The following LSAMP variants were observed in gnomAD, a reference collection of about 807,000 sequenced individuals.
The protein encoded by LSAMP is limbic system-associated membrane protein.
In LSAMP, 7 loss-of-function variants were observed where a neutral mutation model predicts 38.6. The observed-to-expected ratio is 0.18, with a 90% CI of 0.10 to 0.34. The LOEUF (loss-of-function observed/expected upper bound fraction) is 0.34, where lower values mean the gene tolerates loss of function less well. LSAMP is among the 10% of genes least tolerant of loss of function. The probability of loss-of-function intolerance (pLI) is 1.00; values close to 1 mark genes in which losing one functional copy is unlikely to be tolerated. For synonymous variants in LSAMP, 154 were observed against 166.8 expected (o/e 0.92, Z 0.59); for missense variants, 313 against 420.0 (o/e 0.75, Z 2.23).
chr3:116,393,661 C>T (rs1331466299), intron 1 of LSAMP, among the ~76,000 whole-genome samples: 1 of 152,128 alleles, frequency 6.6e-6, no homozygotes, highest in African/African-American at 2.4e-5. Context: ...AAAGCAGCAC[C>T]CCAAAGATCC....
intron 1 of LSAMP, among the ~76,000 whole-genome samples, chr3:116,165,638 C>T (rs1401031940): frequency 1.3e-5 from 2 of 152,090 alleles, no homozygotes; most frequent in African/African-American, 4.8e-5. Flanking sequence ...CTGTGCTTTG[C>T]AAATTAAGGA....
At chr3:115,895,428 G>A (rs1456698715) in intron 3 of LSAMP, among the ~76,000 whole-genome samples, 1 of 152,050 alleles carries the variant, frequency 6.6e-6, no homozygotes, top group Non-Finnish European at 1.5e-5. Context: ...TGGCAGAAAC[G>A]CTGTTGGTTT....
At chr3:115,826,606 C>T (rs1934419856) in intron 6 of LSAMP, among the ~76,000 whole-genome samples, 1 of 152,158 alleles carries the variant, frequency 6.6e-6, no homozygotes, top group Admixed American at 6.5e-5. Flanking sequence ...GTACCTGCTT[C>T]ATTCTCCTTT....
At chr3:115,917,869 C>T (rs1469540028) in intron 3 of LSAMP, among the ~76,000 whole-genome samples, 2 of 152,156 alleles carry the variant, frequency 1.3e-5, no homozygotes, top group African/African-American at 2.4e-5. Flanking sequence ...TGCTGCCTCA[C>T]CAACTTCCAT....
At chr3:116,058,238 G>C (rs1363660718) in intron 2 of LSAMP, among the ~76,000 whole-genome samples, 1 of 152,020 alleles carries the variant, frequency 6.6e-6, no homozygotes, top group Non-Finnish European at 1.5e-5. Flanking sequence ...TTAATCCTCA[G>C]TTTCCTCCTT....
chr3:116,347,132 G>A (rs577478503), intron 1 of LSAMP, among the ~76,000 whole-genome samples: 2 of 152,230 alleles, frequency 1.3e-5, no homozygotes, highest in South Asian at 4.1e-4. Context: ...CTTGCTTATG[G>A]CTATACTTTG....
intron 1 of LSAMP, among the ~76,000 whole-genome samples, chr3:116,318,809 G>A (rs937503479): frequency 3.3e-5 from 5 of 152,184 alleles, no homozygotes; most frequent in African/African-American, 9.6e-5. Context: ...ATTAAATGCT[G>A]TAAGAGTAGT....
chr3:115,955,704 C>G (rs1205441859), intron 3 of LSAMP, among the ~76,000 whole-genome samples: 1 of 152,188 alleles, frequency 6.6e-6, no homozygotes, highest in Non-Finnish European at 1.5e-5. Context: ...TACCCAGGTA[C>G]TTTTAATAGA....
intron 3 of LSAMP, among the ~76,000 whole-genome samples, chr3:115,988,885 G>A (rs1038747650): frequency 6.6e-6 from 1 of 152,012 alleles, no homozygotes; most frequent in African/African-American, 2.4e-5. Flanking sequence ...TGTTATGACA[G>A]TCTTAACATA....
At chr3:116,007,288 AT>A (rs11288630) in intron 3 of LSAMP, among the ~76,000 whole-genome samples, 70,740 of 150,604 alleles carry the variant, frequency 0.47, 17,956 homozygotes, top group African/African-American at 0.68. Flanking sequence ...ATGACAAGGT[AT>A]TTTTTTTTTG....
At chr3:116,030,768 T>C (rs907412369) in intron 2 of LSAMP, among the ~76,000 whole-genome samples, 1 of 152,078 alleles carries the variant, frequency 6.6e-6, no homozygotes, top group Non-Finnish European at 1.5e-5. Flanking sequence ...AAAAGTGTAC[T>C]TTTCCCCTTT....
chr3:116,170,752 G>C (rs1199900874), intron 1 of LSAMP, among the ~76,000 whole-genome samples: 1 of 152,052 alleles, frequency 6.6e-6, no homozygotes, highest in Non-Finnish European at 1.5e-5. Flanking sequence ...GATGATTTTG[G>C]CTATAAAAGA....
chr3:116,142,893 T>C (rs1189084687), intron 1 of LSAMP, among the ~76,000 whole-genome samples: 1 of 151,850 alleles, frequency 6.6e-6, no homozygotes, highest in Non-Finnish European at 1.5e-5. Flanking sequence ...TTTCACAAAG[T>C]TTGTGTCCTC....
chr3:116,355,485 CT>C (rs1313798755), intron 1 of LSAMP, among the ~76,000 whole-genome samples: 1 of 152,112 alleles, frequency 6.6e-6, no homozygotes, highest in East Asian at 1.9e-4. Flanking sequence ...TATGAAATTA[CT>C]AAAGAAAACA....
At chr3:115,991,107 T>C (rs1424603770) in intron 3 of LSAMP, among the ~76,000 whole-genome samples, 2 of 152,054 alleles carry the variant, frequency 1.3e-5, no homozygotes, top group African/African-American at 2.4e-5. Flanking sequence ...TTTAAAAAAG[T>C]ATTTTGTAAA....
intron 6 of LSAMP, among the ~76,000 whole-genome samples, chr3:115,837,337 A>G (rs999697739): frequency 9.9e-5 from 15 of 152,126 alleles, no homozygotes; most frequent in Admixed American, 9.8e-4. Context: ...AAAAGCCTCA[A>G]AAGACCTTTA....
intron 6 of LSAMP, among the ~76,000 whole-genome samples, chr3:115,824,160 G>T (rs140694842): frequency 1.3e-5 from 2 of 152,144 alleles, no homozygotes; most frequent in East Asian, 3.8e-4. Context: ...TTTAATAAAG[G>T]GGTTTCTCTG....
intron 2 of LSAMP, among the ~76,000 whole-genome samples, chr3:116,029,450 A>C (rs2107701345): frequency 6.6e-6 from 1 of 151,640 alleles, no homozygotes; most frequent in Non-Finnish European, 1.5e-5. Context: ...CAGTTACTCA[A>C]ATTTCTCTGC....
intron 1 of LSAMP, among the ~76,000 whole-genome samples, chr3:116,222,411 G>T (rs2046296575): frequency 6.6e-6 from 1 of 151,874 alleles, no homozygotes; most frequent in African/African-American, 2.4e-5. Flanking sequence ...TTTAAAAAAT[G>T]TCCCCTTCAG....
Sources: gnomAD v4.1 joint callset for allele counts (sites outside exome capture counted in the v4.1 genomes callset) on GRCh38, gnomAD v4.1.1 for gene constraint, MANE v1.5 for transcripts, NCBI Gene and HGNC (gene_info 2026-07-23, HGNC 2026-07-21) for gene names.